The following SPG11 variants were observed in gnomAD, a reference collection of about 807,000 sequenced individuals.
SPG11 encodes the protein spatacsin.
In SPG11, 222 loss-of-function variants were observed where a neutral mutation model predicts 274.0. That is an observed-to-expected ratio of 0.81 (90% CI 0.73 to 0.91). SPG11 has a LOEUF of 0.91. SPG11 is among the 40% of genes least tolerant of loss of function. The pLI is 0.00. For synonymous variants in SPG11, 1,144 were observed against 1,039.7 expected (o/e 1.10, Z -1.93); for missense variants, 3,114 against 2,872.7 (o/e 1.08, Z -1.92).
At chr15:44,624,640 T>C (rs2083847021) in intron 11 of SPG11, among the ~76,000 whole-genome samples, 1 of 152,194 alleles carries the variant, frequency 6.6e-6, no homozygotes, top group Non-Finnish European at 1.5e-5. Flanking sequence ...ATACATTGTA[T>C]ACTTGAAATC....
intron 13 of SPG11, 87 bp downstream of exon 13, chr15:44,622,133 A>G (rs1273834553): frequency 1.6e-5 from 23 of 1,459,644 alleles, no homozygotes; most frequent in Non-Finnish European, 2.0e-5. Context: ...TCAGTTCCAC[A>G]TAAGAAACTT....
rs375041366 is a variant in SPG11 at position 44,568,908 on chromosome 15, A to G, written c.6585+490T>C. On this transcript the variant is annotated intron_variant, in intron 35 of 39. Coordinates refer to ENST00000261866, the MANE Select transcript of SPG11 (RefSeq NM_025137.4). Reference sequence around the variant, plus strand: ...TAGCATCGGCTGGGCACGGTGGCTCATGCCTGTAATCCCAGCATTTTGGGA... The same window carrying G: ...TAGCATCGGCTGGGCACGGTGGCTCGTGCCTGTAATCCCAGCATTTTGGGA... Among the ~76,000 whole-genome samples, 7 of 152,194 alleles carry G rather than the reference A, an allele frequency of 4.6e-5. No homozygotes were observed. The East Asian group carries it at 1.2e-3, about 25-fold the overall frequency.
At chr15:44,608,972 T>C (rs745968586) in intron 18 of SPG11, among the ~76,000 whole-genome samples, 1 of 152,212 alleles carries the variant, frequency 6.6e-6, no homozygotes, top group African/African-American at 2.4e-5. Context: ...GATGACTTCT[T>C]ACCCAACTCT....
chr15:44,629,371 G>T lies in SPG11; in HGVS notation c.1753C>A (p.Pro585Thr). The part of the protein sequence containing the change: ...LYLRNVEELI[P>T]ALDLLCSAIR... Reference sequence around the variant, plus strand: ...GCCGAGCAAAGTAAATCCAATGCTGGTATCAGCTCTTCCACATCTGAGAAA... The same window carrying T: ...GCCGAGCAAAGTAAATCCAATGCTGTTATCAGCTCTTCCACATCTGAGAAA... Residue 585 changes from proline to threonine, a missense_variant, in exon 9 of 40, where the codon CCA becomes ACA. By Grantham distance (38) the Pro-to-Thr change is conservative. Transcript: ENST00000261866. 1 of 1,614,050 alleles carries T rather than the reference G, an allele frequency of 6.2e-7. No individual in the cohort carries two copies. The highest frequency in any genetic ancestry group is 8.5e-7 in the Non-Finnish European group (1 of 1,180,002).
At chr15:44,648,774 T>C (rs2084676747) in intron 7 of SPG11, 92 bp downstream of exon 7, 1 of 1,432,490 alleles carries the variant, frequency 7.0e-7, no homozygotes, top group African/African-American at 1.4e-5. Flanking sequence ...TTTTTGCTGC[T>C]AAATTAAATG....
At chr15:44,659,803 G>A (rs182488761) in intron 2 of SPG11, among the ~76,000 whole-genome samples, 2 of 152,202 alleles carry the variant, frequency 1.3e-5, no homozygotes, top group Admixed American at 6.5e-5. Context: ...GCTCACACCT[G>A]TAATCCCAGC....
chr15:44,653,699 G>C (rs549945091), intron 4 of SPG11, among the ~76,000 whole-genome samples: 1 of 152,294 alleles, frequency 6.6e-6, no homozygotes, highest in East Asian at 1.9e-4. Context: ...ATGATTAACT[G>C]GATGTGGATC....
At chr15:44,604,113 G>C (rs1188055957) in intron 20 of SPG11, 6 of 421,252 alleles carry the variant, frequency 1.4e-5, no homozygotes, top group Non-Finnish European at 2.3e-5. Context: ...ACCTGCTCTT[G>C]TTTTCAAAGT....
At chr15:44,573,478 C>T in intron 32 of SPG11, 69 bp downstream of exon 32, 2 of 1,549,794 alleles carry the variant, frequency 1.3e-6, no homozygotes, top group Non-Finnish European at 1.8e-6. Flanking sequence ...AGCACAACAT[C>T]CAAATCCTTA....
Position 44,642,425 on chromosome 15 carries a change from A to C in SPG11, c.1602+6441T>G, listed in dbSNP as rs138740270. On this transcript the variant is annotated intron_variant, in intron 7 of 39. Coordinates refer to ENST00000261866, the MANE Select transcript of SPG11 (RefSeq NM_025137.4). The stretch of plus-strand genomic sequence containing the variant: ...AAAGAAAAGAAAAAAAAATATGTAA[A>C]ATATATAATTATATATATACACACA... 3.6e-3 allele frequency among the ~76,000 whole-genome samples: 546 copies of C among 150,444 alleles called. 2 individuals carry two copies. The highest frequency in any genetic ancestry group is 0.013 in the African/African-American group (521 of 41,288).
chr15:44,605,755 G>GATTTTAT (rs2083302607), intron 20 of SPG11, among the ~76,000 whole-genome samples: 1 of 151,948 alleles, frequency 6.6e-6, no homozygotes, highest in Admixed American at 6.6e-5. Context: ...ATACTATACT[G>GATTTTAT]GAAATGAAGA....
chr15:44,576,305 T>C (rs118156341), intron 30 of SPG11, among the ~76,000 whole-genome samples: 4,153 of 152,046 alleles, frequency 0.027, 85 homozygotes, highest in Non-Finnish European at 0.039. Flanking sequence ...AATAAAGCAT[T>C]ATTCAAGCTT....
chr15:44,648,513 A>C (rs956161325), intron 7 of SPG11, among the ~76,000 whole-genome samples: 3 of 125,658 alleles, frequency 2.4e-5, no homozygotes, highest in Admixed American at 1.5e-4. Context: ...ACCCTGTGTC[A>C]AAAAAAAAAA....
intron 15 of SPG11, 98 bp downstream of exon 15, chr15:44,620,092 T>C: frequency 1.0e-6 from 1 of 955,304 alleles, no homozygotes; most frequent in South Asian, 1.3e-5. Flanking sequence ...AACACTACAC[T>C]GGATTTATGG....
intron 29 of SPG11, among the ~76,000 whole-genome samples, chr15:44,585,397 T>C (rs1271336553): frequency 2.7e-5 from 3 of 109,174 alleles, no homozygotes; most frequent in African/African-American, 3.6e-5. Flanking sequence ...CCATCCTGGC[T>C]AACACAGTGA....
At chr15:44,641,825 G>A (rs2084452042) in intron 7 of SPG11, among the ~76,000 whole-genome samples, 1 of 150,130 alleles carries the variant, frequency 6.7e-6, no homozygotes, top group Admixed American at 6.7e-5. Flanking sequence ...ACATGTGCAT[G>A]CCGTATGATC....
In SPG11 at chr15:44,595,281, C is replaced by G. The variant is rs1446392971; in HGVS notation, c.4613G>C (p.Arg1538Thr). 1 of 1,614,232 alleles carries G rather than the reference C, an allele frequency of 6.2e-7. No homozygotes were observed. The highest frequency in any genetic ancestry group is 1.7e-5 in the Admixed American group (1 of 60,032). The change falls in exon 26 of 40, where the codon AGA becomes ACA. Residue 1538 changes from arginine (R) to threonine (T), a missense_variant. Arg to Thr is a moderately conservative substitution (Grantham distance 71). Transcript: ENST00000261866. Reference sequence around the variant, plus strand: ...TACCTTAAAGAAAAGCTGGAAACCTCTGATGAGAGTTTTGCTCTTTTGTCT... The same window carrying G: ...TACCTTAAAGAAAAGCTGGAAACCTGTGATGAGAGTTTTGCTCTTTTGTCT... ...LTRQKSKTLI[R>T]GFQLFFKDSP...
rs35831490 is a variant in SPG11 at position 44,611,091 on chromosome 15, T to TAA, written c.3146-108_3146-107dup. On this transcript the variant is annotated intron_variant, in intron 17 of 39. Coordinates refer to ENST00000261866, the MANE Select transcript of SPG11 (RefSeq NM_025137.4). ...CATAAATTTTTAACTCTATCCCCAG[T>TAA]AAAAAAAAAAAAAAAAAAAAAAAAA... The TAA allele has an allele frequency of 7.3e-4, 51 of 70,086 alleles. 1 individual carries two copies. The highest frequency in any genetic ancestry group is 1.0e-3 in the Non-Finnish European group (35 of 35,066). 4.3% of individuals were successfully genotyped at this position (70,086 alleles called of 1,614,324 possible). A position where few individuals can be genotyped will look rare whatever the true frequency, so the allele number is the denominator to read the frequency against.
chr15:44,631,762 C>CCCAAA (rs1022465549), intron 8 of SPG11, among the ~76,000 whole-genome samples: 4 of 148,934 alleles, frequency 2.7e-5, no homozygotes, highest in Non-Finnish European at 5.9e-5. Context: ...GCCTGGGCCT[C>CCCAAA]CCAAAGTGTT....
Sources: allele counts gnomAD v4.1 joint callset (sites outside exome capture counted in the v4.1 genomes callset), GRCh38; gene constraint gnomAD v4.1.1; transcripts MANE v1.5; gene names NCBI Gene and HGNC (gene_info 2026-07-23, HGNC 2026-07-21).